The following MYEF2 variants were observed in gnomAD, a reference collection of about 807,000 sequenced individuals.
The protein encoded by MYEF2 is myelin gene expression factor 2.
A neutral mutation model predicts 75.2 loss-of-function variants in MYEF2; 37 were observed. That is an observed-to-expected ratio of 0.49 (90% confidence interval 0.38 to 0.65). The LOEUF is 0.65. Among genes scored for constraint, MYEF2 ranks in the 30% least tolerant of loss-of-function variants. The pLI is 0.00. For missense variants in MYEF2, 634 were observed against 771.4 expected, an observed-to-expected ratio of 0.82 and a Z score of 2.11; for synonymous variants, 195 against 241.6, an observed-to-expected ratio of 0.81 and a Z score of 1.79.
chr15:48,153,700 C>A, intron 10 of MYEF2, 92 bp downstream of exon 10: 1 of 1,004,118 alleles, frequency 1.0e-6, no homozygotes, highest in Non-Finnish European at 1.5e-6. Flanking sequence ...TAATTAGAGT[C>A]CTTTAAACAT....
intron 10 of MYEF2, chr15:48,152,966 A>C (rs1443767234): frequency 6.8e-6 from 1 of 147,562 alleles, no homozygotes; most frequent in Non-Finnish European, 1.5e-5. Context: ...TAAGTCACCA[A>C]ATACTACTAA....
chr15:48,177,955 G>A (rs546535433), intron 1 of MYEF2, 122 bp downstream of exon 1: 3 of 1,319,876 alleles, frequency 2.3e-6, no homozygotes, highest in African/African-American at 1.5e-5. Context: ...GAAGCCGATG[G>A]CCCGGGGGCG....
chr15:48,174,660 C>T (rs1195878797), intron 1 of MYEF2, among the ~76,000 whole-genome samples: 1 of 152,040 alleles, frequency 6.6e-6, no homozygotes. Flanking sequence ...CCAAAGAAGA[C>T]ATACCAACGG....
rs373302207 is a variant in MYEF2 at position 48,142,363 on chromosome 15, G to C, written c.*545C>G. On this transcript the variant is annotated 3_prime_UTR_variant, in exon 17 of 17. Coordinates refer to ENST00000324324, the MANE Select transcript of MYEF2 (RefSeq NM_016132.5). ...GCTGTGGAGGTTGATATTATTAATA[G>C]TGTTATGCAGAAAATATGAATGGCA... 1.5e-4 allele frequency: 230 copies of C among 1,497,998 alleles called. No homozygotes were observed. The highest frequency in any genetic ancestry group is 2.0e-4 in the Non-Finnish European group (220 of 1,108,488). 92.8% of individuals were successfully genotyped at this position (1,497,998 alleles called of 1,614,324 possible). A position where few individuals can be genotyped will look rare whatever the true frequency, so the allele number is the denominator to read the frequency against.
rs558196022 is a variant in MYEF2 at position 48,176,543 on chromosome 15, T to C, written c.161+1534A>G. On this transcript the variant is annotated intron_variant, in intron 1 of 16. Transcript: ENST00000324324. ...ATCATGAAGAGACTTTAGAAGGGAA[T>C]AGAAAATCTGATGGAGGTTTAGATA... Among the ~76,000 whole-genome samples, 12 of 152,344 alleles carry C rather than the reference T, an allele frequency of 7.9e-5. 1 individual carries two copies. The highest frequency in any genetic ancestry group is 1.9e-4 in the African/African-American group (8 of 41,582).
Position 48,158,166 on chromosome 15 carries a change from G to A in MYEF2, c.921+9C>T. 1 of 1,612,888 alleles carries A rather than the reference G, an allele frequency of 6.2e-7. No homozygotes were observed. The highest frequency in any genetic ancestry group is 2.2e-5 in the East Asian group (1 of 44,758). ...AGGTTGGAGGTTGAAGTGATATACAGGAACTCACCATTTTCACATGCATAG... is the reference window on the plus strand; with the variant it reads ...AGGTTGGAGGTTGAAGTGATATACAAGAACTCACCATTTTCACATGCATAG... On this transcript the variant is annotated intron_variant, in intron 8 of 16. Transcript: ENST00000324324.
chr15:48,161,024 T>G (rs537253041), intron 5 of MYEF2, among the ~76,000 whole-genome samples: 4 of 152,072 alleles, frequency 2.6e-5, no homozygotes, highest in Non-Finnish European at 4.4e-5. Context: ...GAAGAGAAGA[T>G]ATTTCTTCAA....
rs2039787104 is a variant in MYEF2 at position 48,158,347 on chromosome 15, T to C, written c.872-123A>G. 4.9e-5 allele frequency: 41 copies of C among 839,430 alleles called. 2 individuals carry two copies. The South Asian group carries it at 7.3e-4, about 15-fold the overall frequency. 52.0% of individuals were successfully genotyped at this position (839,430 alleles called of 1,614,324 possible). A position where few individuals can be genotyped will look rare whatever the true frequency, so the allele number is the denominator to read the frequency against. ...TTTTAATTAACATCTTTAATACTTA[T>C]TGATATTAGCCACTTTCATATACTC... is the stretch of plus-strand genomic sequence containing the variant. On this transcript the variant is annotated intron_variant, in intron 7 of 16. Coordinates refer to ENST00000324324, the MANE Select transcript of MYEF2 (RefSeq NM_016132.5).
At chr15:48,162,434 A>G (rs2039975809) in intron 5 of MYEF2, among the ~76,000 whole-genome samples, 1 of 152,190 alleles carries the variant, frequency 6.6e-6, no homozygotes, top group Non-Finnish European at 1.5e-5. Context: ...ATGAAAACAA[A>G]GGAGAAAGTT....
chr15:48,135,020 G>C lies in MYEF2; in HGVS notation c.*7888C>G, dbSNP rs770614167. The C allele has an allele frequency of 5.3e-6, 8 of 1,497,634 alleles. No individual in the cohort carries two copies. The East Asian group carries it at 1.8e-4, about 34-fold the overall frequency. The allele number at this position is 1,497,634 out of a possible 1,614,324, so 92.8% of individuals were successfully genotyped here. On this transcript the variant is annotated 3_prime_UTR_variant, in exon 17 of 17. Transcript: ENST00000324324. ...AAATAATTCTTATGTAAAAATTAGA[G>C]ATTTTATGAATTTCTGATGGTTCAG...
chr15:48,135,269 A>T lies in MYEF2; in HGVS notation c.*7639T>A. ...GGCTGCCTATTCAGAAAGTTTCCCA[A>T]CTCCTGTTGTCCATTAAAGCCACAA... On this transcript the variant is annotated 3_prime_UTR_variant, in exon 17 of 17. Transcript: ENST00000324324. 1 of 253,170 alleles carries T rather than the reference A, an allele frequency of 3.9e-6. No homozygotes were observed. The highest frequency in any genetic ancestry group is 7.7e-6 in the Non-Finnish European group (1 of 130,052). 15.7% of individuals were successfully genotyped at this position (253,170 alleles called of 1,614,324 possible).
intron 1 of MYEF2, among the ~76,000 whole-genome samples, chr15:48,171,531 T>C (rs2040341547): frequency 6.6e-6 from 1 of 151,990 alleles, no homozygotes; most frequent in Admixed American, 6.5e-5. Context: ...ATAAGAAGCA[T>C]CTTAAAAATA....
At position 48,137,367 on chromosome 15, in the gene MYEF2, A is replaced by AATAAAT. The variant is rs2038926914; in HGVS notation, c.*5540_*5541insATTTAT. ...GGTCTTCATTCCATAAATGATGCAG[A>AATAAAT]GATAAAACACATAGAGCACAGTATG... is the stretch of plus-strand genomic sequence containing the variant. On this transcript the variant is annotated 3_prime_UTR_variant, in exon 17 of 17. Coordinates refer to ENST00000324324, the MANE Select transcript of MYEF2 (RefSeq NM_016132.5). 6.1e-6 allele frequency: 1 copy of AATAAAT among 163,016 alleles called. No individual in the cohort carries two copies. Among genetic ancestry groups the AATAAAT allele is most frequent in the African/African-American group, 2.4e-5 (1 of 41,774 alleles). The allele number at this position is 163,016 out of a possible 1,614,324, so 10.1% of individuals were successfully genotyped here. A position where few individuals can be genotyped will look rare whatever the true frequency, so the allele number is the denominator to read the frequency against.
At chr15:48,175,166 C>G (rs971413499) in intron 1 of MYEF2, among the ~76,000 whole-genome samples, 1 of 152,100 alleles carries the variant, frequency 6.6e-6, no homozygotes, top group Non-Finnish European at 1.5e-5. Flanking sequence ...CCATTTGCAA[C>G]AACAGAGATA....
At chr15:48,171,435 A>G (rs1410618731) in intron 1 of MYEF2, among the ~76,000 whole-genome samples, 1 of 152,156 alleles carries the variant, frequency 6.6e-6, no homozygotes, top group Non-Finnish European at 1.5e-5. Context: ...AAATTCCATT[A>G]AAAACAGTAA....
chr15:48,174,607 C>T (rs2040452218), intron 1 of MYEF2, among the ~76,000 whole-genome samples: 2 of 151,814 alleles, frequency 1.3e-5, no homozygotes, highest in South Asian at 2.1e-4. Context: ...TCAATAGCAA[C>T]CCAATTTAAA....
Position 48,159,679 on chromosome 15 carries a change from G to C in MYEF2, c.651C>G (p.Asn217Lys). The C allele has an allele frequency of 6.2e-7, 1 of 1,613,696 alleles. No individual in the cohort carries two copies. Among genetic ancestry groups the C allele is most frequent in the Non-Finnish European group, 8.5e-7 (1 of 1,179,754 alleles). The change falls in exon 6 of 17, where the codon AAC (asparagine) becomes AAG (lysine). Residue 217 changes from asparagine (N) to lysine (K), a missense_variant. Asn to Lys is a moderately conservative substitution (Grantham distance 94). Transcript: ENST00000324324. ...AATTACTGATGACTTCAGGAGGAAT[G>C]TTTGGATTATTGAGTATGGAAGGTG... ...NLPPSILNNP[N>K]IPPEVISNLQ...
At chr15:48,160,256 T>G (rs1364322573) in intron 5 of MYEF2, among the ~76,000 whole-genome samples, 1 of 151,918 alleles carries the variant, frequency 6.6e-6, no homozygotes, top group African/African-American at 2.4e-5. Context: ...AATACTGGGG[T>G]AGAGGATAGG....
At chr15:48,161,382 C>T (rs2039935820) in intron 5 of MYEF2, among the ~76,000 whole-genome samples, 1 of 151,980 alleles carries the variant, frequency 6.6e-6, no homozygotes, top group Non-Finnish European at 1.5e-5. Flanking sequence ...ATACACCTTC[C>T]TTAGACTTTC....
Sources: gnomAD v4.1 joint callset for allele counts (sites outside exome capture counted in the v4.1 genomes callset) on GRCh38, gnomAD v4.1.1 for gene constraint, MANE v1.5 for transcripts, NCBI Gene and HGNC (gene_info 2026-07-23, HGNC 2026-07-21) for gene names.